The following GRIN2B variants were observed in gnomAD, a reference collection of about 807,000 sequenced individuals.
The protein encoded by GRIN2B is glutamate ionotropic receptor NMDA type subunit 2B, also known as glutamate receptor ionotropic, NMDA 2B.
A neutral mutation model predicts 114.5 loss-of-function variants in GRIN2B; 5 were observed. The observed-to-expected ratio is 0.04, with a 90% CI of 0.02 to 0.09. The LOEUF (loss-of-function observed/expected upper bound fraction) is 0.09, where lower values mean the gene tolerates loss of function less well. Among genes scored for constraint, GRIN2B ranks in the 10% least tolerant of loss-of-function variants. The pLI, the probability that GRIN2B is intolerant of heterozygous loss-of-function variation, is 1.00. For missense variants in GRIN2B, 1,108 were observed against 1,943.5 expected (o/e 0.57, Z 8.08); for synonymous variants, 787 against 745.1 (o/e 1.06, Z -0.92).
At chr12:13,796,972 A>C (rs1195677483) in intron 3 of GRIN2B, among the ~76,000 whole-genome samples, 1 of 152,204 alleles carries the variant, frequency 6.6e-6, no homozygotes, top group Non-Finnish European at 1.5e-5. Context: ...TTAGATTGTG[A>C]GTCCTTAAAG....
At chr12:13,911,089 G>A (rs185369530) in intron 2 of GRIN2B, among the ~76,000 whole-genome samples, 84 of 151,858 alleles carry the variant, frequency 5.5e-4, no homozygotes, top group African/African-American at 1.8e-3. Context: ...CTCTACTGTC[G>A]CACCTACTAC....
At chr12:13,671,956 TCTA>T (rs773905985) in intron 5 of GRIN2B, among the ~76,000 whole-genome samples, 1 of 152,086 alleles carries the variant, frequency 6.6e-6, no homozygotes, top group African/African-American at 2.4e-5. Context: ...AAAATTAAAA[TCTA>T]CTGTTAGACA....
Position 13,880,340 on chromosome 12 carries a change from C to A in GRIN2B, c.-18-14114G>T, listed in dbSNP as rs570387294. ...TGGCCTGGCCAGGAGCAAGAGCCCA[C>A]GGAAGGAATGTTTGGAGAAAAGCTG... On this transcript the variant is annotated intron_variant, in intron 2 of 13. Transcript: ENST00000609686. Among the ~76,000 whole-genome samples, 17 of 152,286 alleles carry A rather than the reference C, an allele frequency of 1.1e-4. No homozygotes were observed. The South Asian group carries it at 3.5e-3, about 32-fold the overall frequency.
At chr12:13,739,392 AAAAAAAAAAAG>A in intron 4 of GRIN2B, among the ~76,000 whole-genome samples, 1 of 141,514 alleles carries the variant, frequency 7.1e-6, no homozygotes, top group Non-Finnish European at 1.6e-5. Context: ...AAAAAAAAAA[AAAAAAAAAAAG>A]AAGAAAAGGA....
At chr12:13,940,792 T>A (rs1867231872) in intron 2 of GRIN2B, among the ~76,000 whole-genome samples, 1 of 152,118 alleles carries the variant, frequency 6.6e-6, no homozygotes, top group African/African-American at 2.4e-5. Context: ...AATAAGCCAT[T>A]CTGTAACGGA....
chr12:13,762,617 A>G (rs1442683632), intron 3 of GRIN2B, among the ~76,000 whole-genome samples: 1 of 152,226 alleles, frequency 6.6e-6, no homozygotes, highest in East Asian at 1.9e-4. Flanking sequence ...TGATTAAGCT[A>G]TGAGTGCTAG....
At chr12:13,806,769 G>C (rs142376733) in intron 3 of GRIN2B, among the ~76,000 whole-genome samples, 1 of 151,854 alleles carries the variant, frequency 6.6e-6, no homozygotes, top group African/African-American at 2.4e-5. Context: ...CATGCTTTGG[G>C]GATCATATTT....
At chr12:13,666,601 A>C (rs1444496820) in intron 5 of GRIN2B, among the ~76,000 whole-genome samples, 4 of 152,100 alleles carry the variant, frequency 2.6e-5, no homozygotes, top group Non-Finnish European at 5.9e-5. Flanking sequence ...GTTGGCTATT[A>C]CTTCCTTTAA....
intron 5 of GRIN2B, among the ~76,000 whole-genome samples, chr12:13,657,487 T>C (rs1949877678): frequency 6.6e-6 from 1 of 152,166 alleles, no homozygotes; most frequent in Non-Finnish European, 1.5e-5. Flanking sequence ...ATGTTAGCGA[T>C]ATGGGAAGAG....
At chr12:13,789,362 G>T (rs756183862) in intron 3 of GRIN2B, among the ~76,000 whole-genome samples, 2 of 152,176 alleles carry the variant, frequency 1.3e-5, no homozygotes, top group African/African-American at 4.8e-5. Context: ...CAGCAAAAAG[G>T]TTTCAGAAGA....
intron 3 of GRIN2B, among the ~76,000 whole-genome samples, chr12:13,857,469 T>A (rs1402737532): frequency 1.3e-5 from 2 of 151,794 alleles, no homozygotes; most frequent in African/African-American, 4.8e-5. Flanking sequence ...CTTCTAAGAA[T>A]CCCTAAAAGG....
At chr12:13,771,138 A>G (rs111713551) in intron 3 of GRIN2B, among the ~76,000 whole-genome samples, 4,499 of 152,246 alleles carry the variant, frequency 0.03, 109 homozygotes, top group Middle Eastern at 0.052. Context: ...GTGATAGTGT[A>G]TAAGTCTCAC....
At chr12:13,588,097 C>T (rs779616429) in intron 10 of GRIN2B, among the ~76,000 whole-genome samples, 4 of 152,166 alleles carry the variant, frequency 2.6e-5, no homozygotes, top group Admixed American at 6.5e-5. Context: ...ATAATTCTAT[C>T]ATGAGACCAG....
At chr12:13,880,720 G>A (rs934834823) in intron 2 of GRIN2B, among the ~76,000 whole-genome samples, 5 of 152,200 alleles carry the variant, frequency 3.3e-5, no homozygotes, top group African/African-American at 1.2e-4. Context: ...CATGGAAACA[G>A]TTTTCTTCTC....
chr12:13,888,176 C>T (rs188910511), intron 2 of GRIN2B, among the ~76,000 whole-genome samples: 64 of 152,194 alleles, frequency 4.2e-4, no homozygotes, highest in Admixed American at 2.2e-3. Context: ...TGCTTAACAA[C>T]GGGGACACGC....
intron 2 of GRIN2B, among the ~76,000 whole-genome samples, chr12:13,904,427 C>T (rs1271872304): frequency 6.6e-6 from 1 of 152,042 alleles, no homozygotes; most frequent in African/African-American, 2.4e-5. Flanking sequence ...CACTTTAACC[C>T]CATTAACCTT....
intron 3 of GRIN2B, among the ~76,000 whole-genome samples, chr12:13,860,693 C>T (rs1263086942): frequency 6.6e-6 from 1 of 152,136 alleles, no homozygotes; most frequent in Non-Finnish European, 1.5e-5. Context: ...TTTTGCATGT[C>T]ATCTAAGGAA....
intron 3 of GRIN2B, among the ~76,000 whole-genome samples, chr12:13,772,962 G>T (rs1863933796): frequency 6.6e-6 from 1 of 152,088 alleles, no homozygotes; most frequent in South Asian, 2.1e-4. Context: ...ATGCTCTAAG[G>T]TCCATCCTCT....
chr12:13,795,333 T>A (rs967413230), intron 3 of GRIN2B, among the ~76,000 whole-genome samples: 7 of 151,684 alleles, frequency 4.6e-5, no homozygotes, highest in Admixed American at 1.3e-4. Context: ...AAAACATGGC[T>A]GAGATCTTTT....
Sources: gnomAD v4.1 joint callset for allele counts (sites outside exome capture counted in the v4.1 genomes callset) on GRCh38, gnomAD v4.1.1 for gene constraint, MANE v1.5 for transcripts, NCBI Gene and HGNC (gene_info 2026-07-23, HGNC 2026-07-21) for gene names.